Variants in PTGER3 observed in about 807,000 individuals in gnomAD.
PTGER3 encodes the protein prostaglandin E receptor 3, also known as prostaglandin E2 receptor EP3 subtype.
Under a neutral mutation model 34.7 loss-of-function variants are expected in PTGER3, and 22 were observed. That is an observed-to-expected ratio of 0.63 (90% CI 0.45 to 0.91). The LOEUF (loss-of-function observed/expected upper bound fraction) is 0.91. Among genes scored for constraint, PTGER3 ranks in the 40% least tolerant of loss-of-function variants. The pLI is 0.00. For missense variants in PTGER3, 468 were observed against 519.4 expected (o/e 0.90, Z 0.96); for synonymous variants, 241 against 230.1 (o/e 1.05, Z -0.43).
At chr1:71,046,123 TAA>T (rs796109404) in intron 1 of PTGER3, among the ~76,000 whole-genome samples, 1 of 140,936 alleles carries the variant, frequency 7.1e-6, no homozygotes, top group African/African-American at 2.6e-5. Flanking sequence ...CTACTAAAAA[TAA>T]AAAAAAAAAA....
chr1:70,880,021 G>A (rs149542987), intron 4 of PTGER3, among the ~76,000 whole-genome samples: 494 of 152,126 alleles, frequency 3.2e-3, no homozygotes, highest in African/African-American at 0.011. Flanking sequence ...GAACCTGGGA[G>A]GCAGAAGTTG....
chr1:70,942,397 C>G (rs758852105), intron 4 of PTGER3, among the ~76,000 whole-genome samples: 5 of 152,082 alleles, frequency 3.3e-5, no homozygotes, highest in East Asian at 1.9e-4. Context: ...AGTACAAAAC[C>G]TTTTATAATT....
chr1:70,953,838 A>G, intron 2 of PTGER3: 5 of 884,280 alleles, frequency 5.7e-6, no homozygotes, highest in Non-Finnish European at 8.3e-6. Context: ...TAATATGCAA[A>G]GTTCCTAGAA....
chr1:70,981,577 G>A (rs1265233259), intron 2 of PTGER3, among the ~76,000 whole-genome samples: 1 of 151,348 alleles, frequency 6.6e-6, no homozygotes, highest in South Asian at 2.1e-4. Context: ...CCCTGCTAAT[G>A]TTTTTATTTT....
At chr1:70,924,604 G>A (rs1234752842) in intron 4 of PTGER3, among the ~76,000 whole-genome samples, 1 of 152,084 alleles carries the variant, frequency 6.6e-6, no homozygotes, top group Admixed American at 6.6e-5. Flanking sequence ...TTCATGGAAA[G>A]CCTTCTAATT....
At chr1:70,888,476 A>T (rs924829204) in intron 4 of PTGER3, among the ~76,000 whole-genome samples, 5 of 152,152 alleles carry the variant, frequency 3.3e-5, no homozygotes, top group African/African-American at 1.2e-4. Context: ...AAATTAATGT[A>T]TCTATCATTT....
chr1:70,918,070 G>A (rs2100427000), intron 4 of PTGER3, among the ~76,000 whole-genome samples: 1 of 151,994 alleles, frequency 6.6e-6, no homozygotes, highest in East Asian at 1.9e-4. Flanking sequence ...ACAGAATAGA[G>A]AATCCCAAAA....
chr1:70,928,892 C>CT (rs765783520), intron 4 of PTGER3, among the ~76,000 whole-genome samples: 2,534 of 151,790 alleles, frequency 0.017, 39 homozygotes, highest in African/African-American at 0.04. Context: ...CACACACACA[C>CT]ACACTATATA....
At chr1:71,044,155 G>T (rs1660548604) in intron 1 of PTGER3, among the ~76,000 whole-genome samples, 1 of 150,970 alleles carries the variant, frequency 6.6e-6, no homozygotes, top group African/African-American at 2.4e-5. Flanking sequence ...ATTTCTCCTA[G>T]GCCGGGCACG....
At chr1:70,864,242 C>T (rs538215162) in intron 4 of PTGER3, among the ~76,000 whole-genome samples, 22 of 151,912 alleles carry the variant, frequency 1.4e-4, no homozygotes, top group Admixed American at 2.6e-4. Flanking sequence ...CTGACCTCCC[C>T]AAGACTCCTA....
intron 4 of PTGER3, among the ~76,000 whole-genome samples, chr1:70,942,172 A>T (rs1557672360): frequency 6.6e-6 from 1 of 152,118 alleles, no homozygotes; most frequent in Admixed American, 6.6e-5. Context: ...TTCAGACCTT[A>T]AAGTGAAAGT....
chr1:70,889,907 G>A (rs1009821770), intron 4 of PTGER3, among the ~76,000 whole-genome samples: 2 of 151,398 alleles, frequency 1.3e-5, no homozygotes, highest in African/African-American at 4.9e-5. Context: ...TTCCGATCTT[G>A]CTTAATTAAT....
intron 4 of PTGER3, among the ~76,000 whole-genome samples, chr1:70,885,765 T>C (rs540027992): frequency 6.6e-6 from 1 of 152,148 alleles, no homozygotes; most frequent in South Asian, 2.1e-4. Flanking sequence ...AGAATAAAGA[T>C]ATACAATATG....
chr1:70,944,846 T>C (rs565299356), intron 4 of PTGER3, among the ~76,000 whole-genome samples: 3 of 152,092 alleles, frequency 2.0e-5, no homozygotes, highest in Non-Finnish European at 4.4e-5. Context: ...AGAAATTAGG[T>C]AAAAAGGGTT....
At chr1:70,986,694 G>A (rs1447203265) in intron 2 of PTGER3, among the ~76,000 whole-genome samples, 1 of 152,196 alleles carries the variant, frequency 6.6e-6, no homozygotes, top group African/African-American at 2.4e-5. Flanking sequence ...CTTTTGACAA[G>A]CTGCCTCCCT....
intron 2 of PTGER3, among the ~76,000 whole-genome samples, chr1:70,981,790 C>T (rs998118517): frequency 5.9e-5 from 9 of 151,864 alleles, no homozygotes; most frequent in African/African-American, 1.2e-4. Flanking sequence ...GTCCAAGGAA[C>T]GTAAATAACC....
chr1:70,902,902 GC>G (rs1646870154), intron 4 of PTGER3, among the ~76,000 whole-genome samples: 1 of 152,088 alleles, frequency 6.6e-6, no homozygotes, highest in Non-Finnish European at 1.5e-5. Flanking sequence ...TTGAATGCTG[GC>G]CCCCCAAAAG....
chr1:70,908,267 T>A (rs1396476147), intron 4 of PTGER3, among the ~76,000 whole-genome samples: 2 of 151,928 alleles, frequency 1.3e-5, no homozygotes, highest in Non-Finnish European at 2.9e-5. Context: ...TTTTGGTCAA[T>A]TTTTCTGCTC....
intron 4 of PTGER3, chr1:70,886,434 C>A: frequency 3.8e-6 from 1 of 264,324 alleles, no homozygotes; most frequent in Non-Finnish European, 8.2e-6. Context: ...GAGAGTAGTT[C>A]CTAAAGAAGA....
Sources: allele counts gnomAD v4.1 joint callset (sites outside exome capture counted in the v4.1 genomes callset), GRCh38; gene constraint gnomAD v4.1.1; transcripts MANE v1.5; gene names NCBI Gene and HGNC (gene_info 2026-07-23, HGNC 2026-07-21).